Variants in SLC6A3 observed in about 807,000 individuals in gnomAD.
SLC6A3 encodes solute carrier family 6 member 3.
SLC6A3 carries 19 observed loss-of-function variants against 70.4 expected under a neutral mutation model. The ratio of observed to expected loss-of-function variants is 0.27; its 90% CI spans 0.19 to 0.40. SLC6A3 has a LOEUF of 0.40. Ranked by LOEUF, SLC6A3 falls within the 10% of genes least tolerant of loss-of-function variation. The pLI, the probability that SLC6A3 is intolerant of heterozygous loss-of-function variation, is 1.00. For missense variants in SLC6A3, 613 were observed against 838.5 expected (o/e 0.73, Z 3.32); for synonymous variants, 368 against 356.6 (o/e 1.03, Z -0.36).
chr5:1,413,506 C>T lies in SLC6A3; in HGVS notation c.1156+1185G>A, dbSNP rs2126348828. Reference sequence around the variant, plus strand: ...GTCGCTCCCCGCCTTCACTGAGCCTCAACACCCAGGCAGAGATCAGTCAGC... The same window carrying T: ...GTCGCTCCCCGCCTTCACTGAGCCTTAACACCCAGGCAGAGATCAGTCAGC... On this transcript the variant is annotated intron_variant, in intron 8 of 14. Coordinates refer to ENST00000270349, the MANE Select transcript of SLC6A3 (RefSeq NM_001044.5). This position sits in a 1 kb window ranked among gnomAD's most constrained non-coding sequence, Gnocchi z 7.1. Among the ~76,000 whole-genome samples, 1 of 152,340 alleles carries T rather than the reference C, an allele frequency of 6.6e-6. No homozygotes were observed. Among genetic ancestry groups the T allele is most frequent in the Non-Finnish European group, 1.5e-5 (1 of 68,028 alleles).
Position 1,405,079 on chromosome 5 carries a change from A to G in SLC6A3, c.1599+1109T>C, listed in dbSNP as rs938655593. On this transcript the variant is annotated intron_variant, in intron 12 of 14. Transcript: ENST00000270349. The surrounding 1 kb of genome is among the most constrained non-coding windows in gnomAD (Gnocchi z 5.3). Reference sequence around the variant, plus strand: ...TGAACAGCCATGTAGTCTGTGTGCTATTAAAAGCCCGCCCCATGAATCCAG... The same window carrying G: ...TGAACAGCCATGTAGTCTGTGTGCTGTTAAAAGCCCGCCCCATGAATCCAG... Among the ~76,000 whole-genome samples, 3 of 152,190 alleles carry G rather than the reference A, an allele frequency of 2.0e-5. No individual in the cohort carries two copies. The highest frequency in any genetic ancestry group is 2.9e-5 in the Non-Finnish European group (2 of 68,028).
In SLC6A3 at chr5:1,411,396, G is replaced by A. The variant is rs1444468624; in HGVS notation, c.1157-41C>T. ...CCCTGCTTGCCACAGAGCCCACGCT[G>A]TGCTCTCCCGCCCATCCTGCCCCAC... On this transcript the variant is annotated intron_variant, in intron 8 of 14. Transcript: ENST00000270349. The surrounding 1 kb of genome is among the most constrained non-coding windows in gnomAD (Gnocchi z 6.5). 2 of 1,440,598 alleles carry A rather than the reference G, an allele frequency of 1.4e-6. No individual in the cohort carries two copies. Among genetic ancestry groups the A allele is most frequent in the East Asian group, 5.0e-5 (2 of 40,390 alleles). 89.2% of individuals were successfully genotyped at this position (1,440,598 alleles called of 1,614,324 possible).
rs1318434837 is a variant in SLC6A3, at chr5:1,436,347, T to C, written c.419-3649A>G. Among the ~76,000 whole-genome samples the C allele has an allele frequency of 6.6e-6, 1 of 152,174 alleles. No homozygotes were observed. Among genetic ancestry groups the C allele is most frequent in the Non-Finnish European group, 1.5e-5 (1 of 68,020 alleles). On this transcript the variant is annotated intron_variant, in intron 3 of 14. Transcript: ENST00000270349. This position sits in a 1 kb window ranked among gnomAD's most constrained non-coding sequence, Gnocchi z 5.2. ...TCATGACATCACTGTGGGCTCCAGA[T>C]GAAGCTTCACCTGACACATTTCTTA...
At position 1,397,145 on chromosome 5, in the gene SLC6A3, C is replaced by T. The variant is rs1755740155; in HGVS notation, c.1840-2387G>A. Among the ~76,000 whole-genome samples, 1 of 152,190 alleles carries T rather than the reference C, an allele frequency of 6.6e-6. No homozygotes were observed. Among genetic ancestry groups the T allele is most frequent in the Admixed American group, 6.5e-5 (1 of 15,286 alleles). On this transcript the variant is annotated intron_variant, in intron 14 of 14. Transcript: ENST00000270349. This position sits in a 1 kb window ranked among gnomAD's most constrained non-coding sequence, Gnocchi z 4.7. ...GAGGACCTGGGGCAAAGTGGACACA[C>T]CAGAGCCTCATAATGGAAAACACAG...
chr5:1,398,099 G>A (rs553155837), intron 14 of SLC6A3, among the ~76,000 whole-genome samples: 136 of 152,232 alleles, frequency 8.9e-4, no homozygotes, highest in African/African-American at 3.2e-3. Context: ...AGTGGCTTAC[G>A]GCTGTAATCC....
intron 1 of SLC6A3, among the ~76,000 whole-genome samples, chr5:1,443,870 G>GT (rs928821508): frequency 6.6e-6 from 1 of 151,554 alleles, no homozygotes; most frequent in Admixed American, 6.6e-5. Context: ...TGTTGTTGTT[G>GT]TTTTTTTGTA....
In SLC6A3 at chr5:1,442,084, C is replaced by A. The variant is rs1004740432; in HGVS notation, c.287-594G>T. On this transcript the variant is annotated intron_variant, in intron 2 of 14. Transcript: ENST00000270349. The surrounding 1 kb of genome is among the most constrained non-coding windows in gnomAD (Gnocchi z 5.0). ...AAGCCCAGGGAACCCTGGTCTCAAC[C>A]TCCTAAATTCCCTCTGCTCCCCTGG... Among the ~76,000 whole-genome samples the A allele has an allele frequency of 6.6e-6, 1 of 152,120 alleles. No individual in the cohort carries two copies. The highest frequency in any genetic ancestry group is 2.4e-5 in the African/African-American group (1 of 41,430).
chr5:1,403,180 C>T, intron 12 of SLC6A3, 91 bp from the exon 13 acceptor site: 2 of 1,429,254 alleles, frequency 1.4e-6, no homozygotes, highest in South Asian at 1.2e-5. Context: ...GGCAGAGCGT[C>T]TCTCAGCCCC....
In SLC6A3 at chr5:1,442,795, A is replaced by C; in HGVS notation, c.286+117T>G. Reference sequence around the variant, plus strand: ...GCACCGGCCGTGAGCTCTCACAGGGAGCTCCGTCTTCACGCATGGGAACAG... The same window carrying C: ...GCACCGGCCGTGAGCTCTCACAGGGCGCTCCGTCTTCACGCATGGGAACAG... On this transcript the variant is annotated intron_variant, in intron 2 of 14. Transcript: ENST00000270349. This position sits in a 1 kb window ranked among gnomAD's most constrained non-coding sequence, Gnocchi z 5.0. The C allele has an allele frequency of 9.6e-7, 1 of 1,036,758 alleles. No individual in the cohort carries two copies. Among genetic ancestry groups the C allele is most frequent in the Non-Finnish European group, 1.5e-6 (1 of 667,126 alleles). 64.2% of individuals were successfully genotyped at this position (1,036,758 alleles called of 1,614,324 possible). A position where few individuals can be genotyped will look rare whatever the true frequency, so the allele number is the denominator to read the frequency against.
chr5:1,436,013 T>C lies in SLC6A3; in HGVS notation c.419-3315A>G, dbSNP rs1756826027. On this transcript the variant is annotated intron_variant, in intron 3 of 14. Coordinates refer to ENST00000270349, the MANE Select transcript of SLC6A3 (RefSeq NM_001044.5). This position sits in a 1 kb window ranked among gnomAD's most constrained non-coding sequence, Gnocchi z 5.2. ...TGGTGGCCAGTCCCCTCCTGGATGC[T>C]TCCCTGGGCACCTGGGTGAGGAAAT... 7.1e-6 allele frequency among the ~76,000 whole-genome samples: 1 copy of C among 140,584 alleles called. No homozygotes were observed. Among genetic ancestry groups the C allele is most frequent in the South Asian group, 2.5e-4 (1 of 3,924 alleles). 92.2% of individuals were successfully genotyped at this position (140,584 alleles called of 152,430 possible).
At chr5:1,435,960 T>C (rs1415059887) in intron 3 of SLC6A3, among the ~76,000 whole-genome samples, 1 of 148,244 alleles carries the variant, frequency 6.7e-6, no homozygotes, top group Non-Finnish European at 1.5e-5. Context: ...CCTGGGCACC[T>C]CGGTGAGGAA....
rs1444480209 is a variant in SLC6A3 at position 1,436,841 on chromosome 5, G to A, written c.419-4143C>T. On this transcript the variant is annotated intron_variant, in intron 3 of 14. Transcript: ENST00000270349. The surrounding 1 kb of genome is among the most constrained non-coding windows in gnomAD (Gnocchi z 5.2). ...CACCAGTACACCCCAGGGCACCCAC[G>A]AGAGCTGGCTTCAGGAGAGGGTGTT... is the stretch of plus-strand genomic sequence containing the variant. 1.3e-5 allele frequency among the ~76,000 whole-genome samples: 2 copies of A among 152,184 alleles called. No homozygotes were observed. Among genetic ancestry groups the A allele is most frequent in the Non-Finnish European group, 2.9e-5 (2 of 68,028 alleles).
In SLC6A3 at chr5:1,438,394, C is replaced by T. The variant is rs774620416; in HGVS notation, c.418+2965G>A. On this transcript the variant is annotated intron_variant, in intron 3 of 14. Coordinates refer to ENST00000270349, the MANE Select transcript of SLC6A3 (RefSeq NM_001044.5). This position sits in a 1 kb window ranked among gnomAD's most constrained non-coding sequence, Gnocchi z 6.5. ...GAGGAGACGACTGCCCAGCTTACCCCGGCTGCGCATTGTGGAGAACACGAT... is the reference window on the plus strand; with the variant it reads ...GAGGAGACGACTGCCCAGCTTACCCTGGCTGCGCATTGTGGAGAACACGAT... Among the ~76,000 whole-genome samples the T allele has an allele frequency of 3.9e-5, 6 of 152,226 alleles. No homozygotes were observed. The highest frequency in any genetic ancestry group is 2.1e-4 in the South Asian group (1 of 4,832).
At position 1,408,203 on chromosome 5, in the gene SLC6A3, A is replaced by ATTTTTTT. The variant is rs760385170; in HGVS notation, c.1498+816_1498+822dup. Among the ~76,000 whole-genome samples, 4 of 131,538 alleles carry ATTTTTTT rather than the reference A, an allele frequency of 3.0e-5. No homozygotes were observed. The highest frequency in any genetic ancestry group is 4.8e-5 in the Non-Finnish European group (3 of 62,288). The allele number at this position is 131,538 out of a possible 152,430, so 86.3% of individuals were successfully genotyped here. On this transcript the variant is annotated intron_variant, in intron 11 of 14. Coordinates refer to ENST00000270349, the MANE Select transcript of SLC6A3 (RefSeq NM_001044.5). The surrounding 1 kb of genome is among the most constrained non-coding windows in gnomAD (Gnocchi z 6.4). ...AGCCTTGTGCCACCACACCCGGCTA[A>ATTTTTTT]TTTTTTTTTTTTTTTTTTTTAGTAA...
rs763338514 is a variant in SLC6A3 at position 1,414,832 on chromosome 5, C to A, written c.1032-17G>T. 6.2e-7 allele frequency: 1 copy of A among 1,612,784 alleles called. No individual in the cohort carries two copies. On this transcript the variant is annotated splice_polypyrimidine_tract_variant and intron_variant, in intron 7 of 14. Transcript: ENST00000270349. The stretch of plus-strand genomic sequence containing the variant: ...ATCGCGTCCCTGTAAGAACAAGACA[C>A]GCCGTCTCAGGAACCAGCTGAGCTG...
rs1224415540 is a variant in SLC6A3 at position 1,437,182 on chromosome 5, C to T, written c.418+4177G>A. Among the ~76,000 whole-genome samples, 1 of 150,992 alleles carries T rather than the reference C, an allele frequency of 6.6e-6. No individual in the cohort carries two copies. Among genetic ancestry groups the T allele is most frequent in the Non-Finnish European group, 1.5e-5 (1 of 67,838 alleles). ...AGGAGAATCGCTTGAACCCGGGACG[C>T]GCAGGTGACAGTGAGCCAAGATCGC... On this transcript the variant is annotated intron_variant, in intron 3 of 14. Coordinates refer to ENST00000270349, the MANE Select transcript of SLC6A3 (RefSeq NM_001044.5). The surrounding 1 kb of genome is among the most constrained non-coding windows in gnomAD (Gnocchi z 4.8).
chr5:1,414,639 C>T (rs1369561261), intron 8 of SLC6A3, 52 bp downstream of exon 8: 2 of 1,602,952 alleles, frequency 1.2e-6, no homozygotes, highest in East Asian at 2.2e-5. Context: ...TTGCTGAGAG[C>T]TCGGCGCTGG....
In SLC6A3 at chr5:1,437,880, C is replaced by T. The variant is rs1756876932; in HGVS notation, c.418+3479G>A. 6.6e-6 allele frequency among the ~76,000 whole-genome samples: 1 copy of T among 152,236 alleles called. No homozygotes were observed. Among genetic ancestry groups the T allele is most frequent in the Non-Finnish European group, 1.5e-5 (1 of 68,040 alleles). ...GCTGATGTCTTAATTTACCACGTGG[C>T]ACTTCTATTCAATGAGACATGAAAA... On this transcript the variant is annotated intron_variant, in intron 3 of 14. Transcript: ENST00000270349. The surrounding 1 kb of genome is among the most constrained non-coding windows in gnomAD (Gnocchi z 4.8).
Position 1,420,631 on chromosome 5 carries a change from C to T in SLC6A3, c.865G>A (p.Gly289Arg). 6.2e-7 allele frequency: 1 copy of T among 1,613,714 alleles called. No individual in the cohort carries two copies. Among genetic ancestry groups the T allele is most frequent in the Non-Finnish European group, 8.5e-7 (1 of 1,180,030 alleles). Residue 289 changes from glycine to arginine, a missense_variant, in exon 6 of 15, where the codon GGA (glycine) becomes AGA (arginine). By Grantham distance (125) the Gly-to-Arg change is moderately radical. Transcript: ENST00000270349. ...ALLLRGVTLPGAIDGIRAYLS... is the reference protein window; with the variant it reads ...ALLLRGVTLPRAIDGIRAYLS... ...TATGCTCTGATGCCGTCTATGGCTC[C>T]AGGGAGGGTGACCCCACGCAGGAGC...
Sources: gnomAD v4.1 joint callset for allele counts (sites outside exome capture counted in the v4.1 genomes callset) on GRCh38, gnomAD v4.1.1 for gene constraint, Gnocchi (gnomAD v3.1) non-coding constraint, MANE v1.5 for transcripts, NCBI Gene and HGNC (gene_info 2026-07-23, HGNC 2026-07-21) for gene names.